RPAP2: variants seen among roughly 807,000 people sequenced by gnomAD.
The protein encoded by RPAP2 is RNA polymerase II associated protein 2.
In RPAP2, 52 loss-of-function variants were observed where a neutral mutation model predicts 73.1. That is an observed-to-expected ratio of 0.71 (90% CI 0.57 to 0.90). RPAP2 has a LOEUF of 0.90. RPAP2 is among the 40% of genes least tolerant of loss of function. The pLI, the probability that RPAP2 is intolerant of heterozygous loss-of-function variation, is 0.00. For missense variants in RPAP2, 598 were observed against 701.8 expected (o/e 0.85, Z 1.67); for synonymous variants, 225 against 242.1 (o/e 0.93, Z 0.65).
intron 11 of RPAP2, among the ~76,000 whole-genome samples, chr1:92,379,462 A>C (rs984719544): frequency 4.6e-5 from 7 of 152,192 alleles, no homozygotes; most frequent in Non-Finnish European, 8.8e-5. Flanking sequence ...GATATTGCTC[A>C]GTTTTTAAAA....
intron 11 of RPAP2, among the ~76,000 whole-genome samples, chr1:92,363,242 A>G (rs982944826): frequency 1.3e-5 from 2 of 152,190 alleles, no homozygotes; most frequent in Non-Finnish European, 2.9e-5. Context: ...TGTTTTGGAT[A>G]GAAACAGACT....
rs1557642211 is a variant in RPAP2 at position 92,398,577 on chromosome 1, C to T, written c.*11566C>T. Reference sequence around the variant, plus strand: ...AAAGAAAAGTAAGCATTTCTAGAAGCACATTTTTGTTGGACTGAGGGTGGG... The same window carrying T: ...AAAGAAAAGTAAGCATTTCTAGAAGTACATTTTTGTTGGACTGAGGGTGGG... On this transcript the variant is annotated 3_prime_UTR_variant, in exon 13 of 13. Transcript: ENST00000610020. The T allele has an allele frequency of 6.6e-6, 1 of 152,240 alleles. No homozygotes were observed. Among genetic ancestry groups the T allele is most frequent in the Non-Finnish European group, 1.5e-5 (1 of 68,068 alleles). The allele number at this position is 152,240 out of a possible 1,614,324, so 9.4% of individuals were successfully genotyped here. A position where few individuals can be genotyped will look rare whatever the true frequency, so the allele number is the denominator to read the frequency against.
At chr1:92,300,080 T>C (rs538069416) in intron 1 of RPAP2, 114 bp from the exon 2 acceptor site, 21 of 694,082 alleles carry the variant, frequency 3.0e-5, no homozygotes. Flanking sequence ...TATCTAAACA[T>C]AGAAAAGGTA....
rs1391230889 is a variant in RPAP2 at position 92,321,962 on chromosome 1, T to C, written c.524+1328T>C. On this transcript the variant is annotated intron_variant, in intron 7 of 12. Coordinates refer to ENST00000610020, the MANE Select transcript of RPAP2 (RefSeq NM_024813.3). ...TTTCTTTCTTTTTTTTTTTTTTTTT[T>C]CAAGACAGAGTCTCACTCTATCACC... is the stretch of plus-strand genomic sequence containing the variant. Among the ~76,000 whole-genome samples, 10 of 149,506 alleles carry C rather than the reference T, an allele frequency of 6.7e-5. No individual in the cohort carries two copies. The East Asian group carries it at 1.6e-3, about 23-fold the overall frequency.
intron 10 of RPAP2, among the ~76,000 whole-genome samples, chr1:92,341,485 T>C: frequency 1.3e-5 from 2 of 152,136 alleles, no homozygotes; most frequent in East Asian, 3.8e-4. Context: ...GGAAGTACTT[T>C]GAAATGAAAT....
At chr1:92,378,371 A>ATTTATTT (rs1400764932) in intron 11 of RPAP2, among the ~76,000 whole-genome samples, 1 of 151,996 alleles carries the variant, frequency 6.6e-6, no homozygotes. Context: ...CACCAGGCTA[A>ATTTATTT]TTTATTTTTT....
chr1:92,364,010 G>A (rs1286758016), intron 11 of RPAP2, among the ~76,000 whole-genome samples: 1 of 152,136 alleles, frequency 6.6e-6, no homozygotes, highest in Non-Finnish European at 1.5e-5. Context: ...TCAACTGCAT[G>A]GGGGAGGGGG....
intron 11 of RPAP2, among the ~76,000 whole-genome samples, chr1:92,350,793 A>G (rs1055967375): frequency 3.3e-5 from 5 of 152,072 alleles, no homozygotes; most frequent in African/African-American, 4.8e-5. Flanking sequence ...TTAGCCAGGC[A>G]TGGTGGGGCA....
At chr1:92,383,044 G>A (rs1655714791) in intron 12 of RPAP2, among the ~76,000 whole-genome samples, 1 of 152,178 alleles carries the variant, frequency 6.6e-6, no homozygotes, top group Admixed American at 6.5e-5. Context: ...CCCATTTCTT[G>A]TTTTGGTCAG....
At position 92,336,432 on chromosome 1, in the gene RPAP2, G is replaced by A; in HGVS notation, c.1619+5G>A. The A allele has an allele frequency of 6.4e-7, 1 of 1,550,632 alleles. No individual in the cohort carries two copies. Among genetic ancestry groups the A allele is most frequent in the Non-Finnish European group, 8.9e-7 (1 of 1,123,498 alleles). On this transcript the variant is annotated splice_donor_5th_base_variant and intron_variant, in intron 10 of 12. Coordinates refer to ENST00000610020, the MANE Select transcript of RPAP2 (RefSeq NM_024813.3). ...AAATCTTGTTCGAACTTTCAGGTTA[G>A]TGTTTATATTACAATTATCCTTCTC...
rs116727012 is a variant in RPAP2, at chr1:92,363,661, A to G, written c.1689-17063A>G. ...GCGGATATTTTTCCACCTCTGCCAC[A>G]CTTAAGATAGCAAGACCAACCCCAC... On this transcript the variant is annotated intron_variant, in intron 11 of 12. Transcript: ENST00000610020. 1.1e-3 allele frequency: 312 copies of G among 281,310 alleles called. 1 individual carries two copies. The highest frequency in any genetic ancestry group is 6.1e-3 in the African/African-American group (272 of 44,852). The allele number at this position is 281,310 out of a possible 1,614,324, so 17.4% of individuals were successfully genotyped here. A position where few individuals can be genotyped will look rare whatever the true frequency, so the allele number is the denominator to read the frequency against.
chr1:92,323,228 T>A (rs1652413064), intron 7 of RPAP2, among the ~76,000 whole-genome samples: 1 of 151,492 alleles, frequency 6.6e-6, no homozygotes, highest in African/African-American at 2.4e-5. Flanking sequence ...AGGAGAACTA[T>A]ATCAAAAAAT....
intron 11 of RPAP2, among the ~76,000 whole-genome samples, chr1:92,363,123 T>C (rs1654798869): frequency 6.6e-6 from 1 of 152,200 alleles, no homozygotes; most frequent in Admixed American, 6.5e-5. Context: ...AAGGAGTCTA[T>C]GAACCCCTGC....
rs1650718043 is a variant in RPAP2, at chr1:92,300,213, T to C, written c.93T>C (p.Thr31=). 6.2e-7 allele frequency: 1 copy of C among 1,610,646 alleles called. No individual in the cohort carries two copies. Among genetic ancestry groups the C allele is most frequent in the Non-Finnish European group, 8.5e-7 (1 of 1,177,288 alleles). Residue 31 remains threonine (T), a synonymous_variant, in exon 2 of 13, where the codon ACT becomes ACC. Transcript: ENST00000610020. The part of the protein sequence containing the change: ...RKAAGTKQTS[T]LKQEDASKRK... The stretch of plus-strand genomic sequence containing the variant: ...TTGTAGGTACTAAACAGACAAGTAC[T>C]TTGAAACAAGAAGATGCTTCTAAAA...
At position 92,392,406 on chromosome 1, in the gene RPAP2, T is replaced by C. The variant is rs1656078044; in HGVS notation, c.*5395T>C. On this transcript the variant is annotated 3_prime_UTR_variant, in exon 13 of 13. Transcript: ENST00000610020. The stretch of plus-strand genomic sequence containing the variant: ...TCTCAATATAATAAGAGGTTATTTA[T>C]GACAAACCCACAGCCAATAGCATAC... 3 of 152,172 alleles carry C rather than the reference T, an allele frequency of 2.0e-5. No homozygotes were observed. Among genetic ancestry groups the C allele is most frequent in the Non-Finnish European group, 4.4e-5 (3 of 68,026 alleles). 9.4% of individuals were successfully genotyped at this position (152,172 alleles called of 1,614,324 possible).
Position 92,299,720 on chromosome 1 carries a change from A to G in RPAP2, c.74-474A>G, listed in dbSNP as rs1226377886. Among the ~76,000 whole-genome samples the G allele has an allele frequency of 2.6e-5, 4 of 152,316 alleles. No homozygotes were observed. The East Asian group carries it at 7.7e-4, about 29-fold the overall frequency. ...AGACAGTAATCAATTTGCAAAAACA[A>G]ATTGCTCTCCCTTCCTATTTCATTT... On this transcript the variant is annotated intron_variant, in intron 1 of 12. Transcript: ENST00000610020.
intron 7 of RPAP2, 132 bp downstream of exon 7, chr1:92,320,766 C>A: frequency 1.7e-6 from 1 of 586,462 alleles, no homozygotes; most frequent in East Asian, 2.8e-5. Context: ...CTAGCCCACA[C>A]AAAGAAATAT....
chr1:92,392,454 A>G lies in RPAP2; in HGVS notation c.*5443A>G, dbSNP rs1472957412. The G allele has an allele frequency of 6.6e-6, 1 of 152,214 alleles. No homozygotes were observed. The highest frequency in any genetic ancestry group is 1.5e-5 in the Non-Finnish European group (1 of 68,040). The allele number at this position is 152,214 out of a possible 1,614,324, so 9.4% of individuals were successfully genotyped here. The stretch of plus-strand genomic sequence containing the variant: ...TACTGAATGGGCAAAAGCTGGAAGC[A>G]TTTCCTTTGAAGACCAGCACAAGGC... On this transcript the variant is annotated 3_prime_UTR_variant, in exon 13 of 13. Transcript: ENST00000610020.
intron 11 of RPAP2, among the ~76,000 whole-genome samples, chr1:92,359,140 G>A (rs1654621554): frequency 6.6e-6 from 1 of 152,182 alleles, no homozygotes; most frequent in African/African-American, 2.4e-5. Context: ...GAAATGAAAA[G>A]GAAGAGACAA....
Sources: gnomAD v4.1 joint callset for allele counts (sites outside exome capture counted in the v4.1 genomes callset) on GRCh38, gnomAD v4.1.1 for gene constraint, MANE v1.5 for transcripts, NCBI Gene and HGNC (gene_info 2026-07-23, HGNC 2026-07-21) for gene names.